EBF3: variants seen among roughly 807,000 people sequenced by gnomAD.
EBF3 encodes the protein EBF transcription factor 3, also known as transcription factor COE3.
EBF3 carries 18 observed loss-of-function variants against 77.1 expected under a neutral mutation model. That is an observed-to-expected ratio of 0.23 (90% confidence interval 0.16 to 0.35). The LOEUF is 0.35. Among genes scored for constraint, EBF3 ranks in the 10% least tolerant of loss-of-function variants. EBF3 has a pLI of 1.00. For missense variants in EBF3, 558 were observed against 860.0 expected (o/e 0.65, Z 4.39); for synonymous variants, 350 against 343.5 (o/e 1.02, Z -0.21).
At chr10:129,956,795 C>A (rs1232779303) in intron 6 of EBF3, among the ~76,000 whole-genome samples, 2 of 152,218 alleles carry the variant, frequency 1.3e-5, no homozygotes, top group East Asian at 3.8e-4. Flanking sequence ...AATTAGGACA[C>A]ATTTTGCAAC....
intron 6 of EBF3, among the ~76,000 whole-genome samples, chr10:129,896,655 C>A (rs1451437366): frequency 6.6e-6 from 1 of 152,242 alleles, no homozygotes; most frequent in Admixed American, 6.5e-5. Flanking sequence ...CCCTTGAGCT[C>A]CGCTGACCTC....
intron 6 of EBF3, among the ~76,000 whole-genome samples, chr10:129,937,021 C>T (rs570624364): frequency 9.2e-5 from 14 of 152,336 alleles, no homozygotes; most frequent in African/African-American, 9.6e-5. Context: ...GCATCTCCTA[C>T]GTGATGCATG....
At chr10:129,945,998 C>T (rs529722586) in intron 6 of EBF3, among the ~76,000 whole-genome samples, 1 of 150,600 alleles carries the variant, frequency 6.6e-6, no homozygotes, top group Admixed American at 6.6e-5. Flanking sequence ...TAGAAGATAT[C>T]GCTACTATTT....
chr10:129,877,976 G>A (rs543020151), intron 6 of EBF3, 127 bp from the exon 7 acceptor site: 1 of 708,644 alleles, frequency 1.4e-6, no homozygotes, highest in South Asian at 1.9e-5. Context: ...TTCCCTCTAG[G>A]GGGCGACATT....
intron 8 of EBF3, among the ~76,000 whole-genome samples, chr10:129,869,205 C>A (rs1454710868): frequency 6.6e-6 from 1 of 152,190 alleles, no homozygotes; most frequent in East Asian, 1.9e-4. Context: ...CTTTGTCCTG[C>A]CTTAGCATTT....
At chr10:129,872,714 G>C (rs1358127138) in intron 8 of EBF3, among the ~76,000 whole-genome samples, 1 of 152,176 alleles carries the variant, frequency 6.6e-6, no homozygotes, top group Non-Finnish European at 1.5e-5. Context: ...TTTAATGGGG[G>C]AAGTGGCTCT....
intron 6 of EBF3, among the ~76,000 whole-genome samples, chr10:129,892,176 CTGA>C (rs1854063558): frequency 6.6e-6 from 1 of 152,240 alleles, no homozygotes; most frequent in Non-Finnish European, 1.5e-5. Context: ...CAGGCTCCAA[CTGA>C]TGAGTAGCGG....
At chr10:129,928,060 T>C (rs1458084093) in intron 6 of EBF3, among the ~76,000 whole-genome samples, 1 of 152,102 alleles carries the variant, frequency 6.6e-6, no homozygotes, top group Non-Finnish European at 1.5e-5. Flanking sequence ...ACAGGAACCG[T>C]TACTATTCCG....
chr10:129,867,946 A>G (rs1174207860), intron 8 of EBF3, 34 bp from the exon 9 acceptor site: 1 of 1,606,032 alleles, frequency 6.2e-7, no homozygotes, highest in Non-Finnish European at 8.5e-7. Context: ...CAGACCTTAG[A>G]GCCCCGTCCT....
At chr10:129,882,603 C>T (rs1011794968) in intron 6 of EBF3, among the ~76,000 whole-genome samples, 1 of 152,338 alleles carries the variant, frequency 6.6e-6, no homozygotes, top group African/African-American at 2.4e-5. Flanking sequence ...CTAATTACAG[C>T]CCTGCAAAAC....
At chr10:129,877,945 T>C in intron 6 of EBF3, 96 bp from the exon 7 acceptor site, 1 of 951,380 alleles carries the variant, frequency 1.1e-6, no homozygotes, top group Non-Finnish European at 1.6e-6. Context: ...GAGTGGAGAC[T>C]CAACCCCACA....
At position 129,947,582 on chromosome 10, in the gene EBF3, A is replaced by G. The variant is rs890441852; in HGVS notation, c.554+9676T>C. ...TATTCCAAAATAGTATTATTGAGGA[A>G]ATAAACCCCTTATAATAAGTGAAAT... On this transcript the variant is annotated intron_variant, in intron 6 of 16. Coordinates refer to ENST00000440978, the MANE Select transcript of EBF3 (RefSeq NM_001375380.1). This position sits in a 1 kb window ranked among gnomAD's most constrained non-coding sequence, Gnocchi z 4.5. Among the ~76,000 whole-genome samples the G allele has an allele frequency of 2.0e-5, 3 of 152,224 alleles. No individual in the cohort carries two copies. Among genetic ancestry groups the G allele is most frequent in the Non-Finnish European group, 4.4e-5 (3 of 68,040 alleles).
At chr10:129,957,064 C>A (rs868446483) in intron 6 of EBF3, among the ~76,000 whole-genome samples, 194 bp downstream of exon 6, 12 of 152,282 alleles carry the variant, frequency 7.9e-5, no homozygotes, top group Non-Finnish European at 1.3e-4. Context: ...ATTACTGAAT[C>A]CCCACAGAGC....
At chr10:129,910,637 G>A (rs1390402360) in intron 6 of EBF3, among the ~76,000 whole-genome samples, 7 of 151,832 alleles carry the variant, frequency 4.6e-5, no homozygotes, top group East Asian at 3.9e-4. Flanking sequence ...CAGCTCCTAC[G>A]CTCCCTGCTG....
intron 6 of EBF3, among the ~76,000 whole-genome samples, chr10:129,887,772 C>T (rs576924788): frequency 6.6e-6 from 1 of 152,190 alleles, no homozygotes; most frequent in South Asian, 2.1e-4. Context: ...TCACACATGG[C>T]GAGTGGTGGG....
rs1849625601 is a variant in EBF3, at chr10:129,836,635, A to G, written c.*1308T>C. On this transcript the variant is annotated 3_prime_UTR_variant, in exon 17 of 17. Coordinates refer to ENST00000440978, the MANE Select transcript of EBF3 (RefSeq NM_001375380.1). The stretch of plus-strand genomic sequence containing the variant: ...GGATGGAAAGTCTAAACAATAGCAT[A>G]TTTTTTGAAGTACAAATGAAATGTA... The G allele has an allele frequency of 7.9e-6, 1 of 126,648 alleles. No homozygotes were observed. The highest frequency in any genetic ancestry group is 1.9e-5 in the Non-Finnish European group (1 of 52,754). 7.8% of individuals were successfully genotyped at this position (126,648 alleles called of 1,614,324 possible).
At chr10:129,851,374 G>A (rs749872609) in intron 10 of EBF3, among the ~76,000 whole-genome samples, 2 of 152,200 alleles carry the variant, frequency 1.3e-5, no homozygotes, top group East Asian at 3.8e-4. Context: ...TCAGCATCTG[G>A]AGAGCCGTAA....
At chr10:129,881,594 G>A (rs1853216903) in intron 6 of EBF3, among the ~76,000 whole-genome samples, 1 of 152,202 alleles carries the variant, frequency 6.6e-6, no homozygotes, top group African/African-American at 2.4e-5. Context: ...TTTGAAATGA[G>A]GTTTCCTCTT....
At chr10:129,942,292 G>A (rs767604737) in intron 6 of EBF3, among the ~76,000 whole-genome samples, 143 of 152,242 alleles carry the variant, frequency 9.4e-4, no homozygotes, top group Non-Finnish European at 1.5e-3. Flanking sequence ...CCCTTCTTTA[G>A]CCCTGTGGAC....
Sources: gnomAD v4.1 joint callset for allele counts (sites outside exome capture counted in the v4.1 genomes callset) on GRCh38, gnomAD v4.1.1 for gene constraint, Gnocchi (gnomAD v3.1) non-coding constraint, MANE v1.5 for transcripts, NCBI Gene and HGNC (gene_info 2026-07-23, HGNC 2026-07-21) for gene names.